Variants in GBE1 observed in about 807,000 individuals in gnomAD.
The protein encoded by GBE1 is 1,4-alpha-glucan branching enzyme 1.
GBE1 carries 70 observed loss-of-function variants against 88.8 expected under a neutral mutation model. The ratio of observed to expected loss-of-function variants is 0.79; its 90% CI spans 0.65 to 0.96. GBE1 has a LOEUF of 0.96. Among genes scored for constraint, GBE1 ranks in the 40% least tolerant of loss-of-function variants. GBE1 has a pLI of 0.00. For synonymous variants in GBE1, 284 were observed against 300.1 expected (o/e 0.95, Z 0.56); for missense variants, 872 against 871.0 (o/e 1.00, Z -0.01).
rs148374524 is a variant in GBE1 at position 81,533,750 on chromosome 3, T to C, written c.1934+1445A>G. On this transcript the variant is annotated intron_variant, in intron 14 of 15. Coordinates refer to ENST00000429644, the MANE Select transcript of GBE1 (RefSeq NM_000158.4). The stretch of plus-strand genomic sequence containing the variant: ...AGACCCAACTCTGGTCAATAAAATA[T>C]GAAAGAAATTTTGCTAAAGAAGTAA... Among the ~76,000 whole-genome samples the C allele has an allele frequency of 5.7e-3, 871 of 152,206 alleles. 1 individual carries two copies. Among genetic ancestry groups the C allele is most frequent in the Non-Finnish European group, 1.0e-2 (679 of 67,986 alleles).
chr3:81,606,772 C>A (rs1193949680), intron 7 of GBE1, among the ~76,000 whole-genome samples: 2 of 152,190 alleles, frequency 1.3e-5, no homozygotes. Flanking sequence ...CCAACCATAT[C>A]ACTTTTGGTT....
chr3:81,695,745 A>G (rs919510294), intron 2 of GBE1, among the ~76,000 whole-genome samples: 6 of 152,244 alleles, frequency 3.9e-5, no homozygotes, highest in African/African-American at 1.2e-4. Context: ...ATTTGGGTTA[A>G]AACTCACTTA....
intron 12 of GBE1, among the ~76,000 whole-genome samples, chr3:81,543,835 T>C (rs941015860): frequency 6.6e-6 from 1 of 152,138 alleles, no homozygotes; most frequent in Non-Finnish European, 1.5e-5. Flanking sequence ...GCAAACAATA[T>C]GATCTGAATC....
chr3:81,511,349 T>G (rs1381921159), intron 14 of GBE1, among the ~76,000 whole-genome samples: 1 of 152,044 alleles, frequency 6.6e-6, no homozygotes, highest in African/African-American at 2.4e-5. Flanking sequence ...AAAGAGCTTC[T>G]GAACAGCAAA....
intron 10 of GBE1, among the ~76,000 whole-genome samples, chr3:81,583,838 T>C (rs182490831): frequency 7.9e-5 from 12 of 151,566 alleles, no homozygotes; most frequent in Admixed American, 7.2e-4. Flanking sequence ...ACCTTGAGTA[T>C]ATCAATGTGA....
chr3:81,586,881 C>T (rs1291228876), intron 9 of GBE1, among the ~76,000 whole-genome samples: 4 of 151,910 alleles, frequency 2.6e-5, no homozygotes, highest in Non-Finnish European at 5.9e-5. Flanking sequence ...CTCTGCCTCC[C>T]AGGTTCAAGC....
intron 2 of GBE1, 67 bp downstream of exon 2, chr3:81,705,377 T>C: frequency 8.9e-7 from 1 of 1,118,962 alleles, no homozygotes; most frequent in South Asian, 1.8e-5. Context: ...ACATGAAATA[T>C]AAGAAATATA....
chr3:81,562,216 C>A (rs1703429270), intron 12 of GBE1, among the ~76,000 whole-genome samples: 1 of 151,980 alleles, frequency 6.6e-6, no homozygotes, highest in Non-Finnish European at 1.5e-5. Context: ...ACAAAGAGGA[C>A]CATTAAGTAA....
At chr3:81,529,801 G>A (rs1431867933) in intron 14 of GBE1, among the ~76,000 whole-genome samples, 1 of 151,900 alleles carries the variant, frequency 6.6e-6, no homozygotes, top group Non-Finnish European at 1.5e-5. Context: ...TATTATTTGG[G>A]TAAAATCTGC....
At chr3:81,606,146 A>C (rs1049771834) in intron 7 of GBE1, among the ~76,000 whole-genome samples, 2 of 152,220 alleles carry the variant, frequency 1.3e-5, no homozygotes. Flanking sequence ...TTGCGTTTAC[A>C]ATGCTAGTGA....
intron 12 of GBE1, 86 bp downstream of exon 12, chr3:81,577,839 G>A: frequency 1.8e-6 from 2 of 1,105,698 alleles, no homozygotes; most frequent in South Asian, 1.7e-5. Flanking sequence ...AATCTGAAAA[G>A]CCAAATCAAA....
intron 2 of GBE1, among the ~76,000 whole-genome samples, chr3:81,697,383 T>C (rs1455755674): frequency 6.7e-6 from 1 of 149,412 alleles, no homozygotes; most frequent in African/African-American, 2.5e-5. Context: ...CACTGCAACC[T>C]CCGTCTCCCA....
intron 2 of GBE1, among the ~76,000 whole-genome samples, chr3:81,675,810 T>G (rs1334790337): frequency 6.6e-6 from 1 of 152,078 alleles, no homozygotes; most frequent in Non-Finnish European, 1.5e-5. Flanking sequence ...CATAAATTAT[T>G]TTATTACAAC....
Position 81,642,935 on chromosome 3 carries a change from C to G in GBE1, c.838G>C (p.Gly280Arg). 2 of 1,612,836 alleles carry G rather than the reference C, an allele frequency of 1.2e-6. No homozygotes were observed. Among genetic ancestry groups the G allele is most frequent in the Non-Finnish European group, 1.7e-6 (2 of 1,179,276 alleles). Reference sequence around the variant, plus strand: ...ACCACATCTAAGAGGACTATGATACCCATGGAATGAGCTGTGTCTACCAGT... The same window carrying G: ...ACCACATCTAAGAGGACTATGATACGCATGGAATGAGCTGTGTCTACCAGT... ...QELVDTAHSM[G>R]IIVLLDVVHS... is the part of the protein sequence containing the mutation. The change falls in exon 7 of 16, where the codon GGT (glycine) becomes CGT (arginine). Residue 280 changes from glycine to arginine, a missense_variant. Coordinates refer to ENST00000429644, the MANE Select transcript of GBE1 (RefSeq NM_000158.4).
intron 1 of GBE1, among the ~76,000 whole-genome samples, chr3:81,749,033 AAAAG>A (rs1559707733): frequency 6.6e-6 from 1 of 151,892 alleles, no homozygotes; most frequent in Non-Finnish European, 1.5e-5. Context: ...AAAAAAGAAA[AAAAG>A]AAAATATCTG....
chr3:81,516,611 A>G (rs1290308038), intron 14 of GBE1, among the ~76,000 whole-genome samples: 1 of 151,620 alleles, frequency 6.6e-6, no homozygotes, highest in Non-Finnish European at 1.5e-5. Context: ...TAGCTGTCAT[A>G]AGCAGTGATT....
intron 7 of GBE1, among the ~76,000 whole-genome samples, chr3:81,598,538 T>C (rs553381160): frequency 6.6e-6 from 1 of 152,094 alleles, no homozygotes; most frequent in Admixed American, 6.5e-5. Flanking sequence ...TCAATTTTAA[T>C]TAAATTAACC....
intron 1 of GBE1, among the ~76,000 whole-genome samples, chr3:81,750,613 A>G (rs1297599261): frequency 2.0e-4 from 15 of 76,464 alleles, no homozygotes; most frequent in African/African-American, 1.0e-3. Context: ...GTATATATAT[A>G]TATGTATATA....
At chr3:81,535,117 CTTT>C (rs60133692) in intron 14 of GBE1, 75 bp downstream of exon 14, 5,964 of 1,011,750 alleles carry the variant, frequency 5.9e-3, no homozygotes, top group East Asian at 0.01. Context: ...CAACCTTAGT[CTTT>C]TTTTTTTTTT....
Sources: gnomAD v4.1 joint callset for allele counts (sites outside exome capture counted in the v4.1 genomes callset) on GRCh38, gnomAD v4.1.1 for gene constraint, MANE v1.5 for transcripts, NCBI Gene and HGNC (gene_info 2026-07-23, HGNC 2026-07-21) for gene names.